Variants in EDIL3 observed in about 807,000 individuals in gnomAD.
The protein encoded by EDIL3 is EGF-like repeat and discoidin I-like domain-containing protein 3.
A neutral mutation model predicts 67.4 loss-of-function variants in EDIL3; 37 were observed. That is an observed-to-expected ratio of 0.55 (90% CI 0.42 to 0.72). The LOEUF (loss-of-function observed/expected upper bound fraction) is 0.72. Ranked by LOEUF, EDIL3 falls within the 30% of genes least tolerant of loss-of-function variation. The pLI is 0.00. For synonymous variants in EDIL3, 195 were observed against 196.3 expected, an observed-to-expected ratio of 0.99 and a Z score of 0.05; for missense variants, 527 against 586.3, an observed-to-expected ratio of 0.90 and a Z score of 1.04.
chr5:84,325,864 C>T (rs1484551174), intron 1 of EDIL3, among the ~76,000 whole-genome samples: 2 of 152,074 alleles, frequency 1.3e-5, no homozygotes, highest in African/African-American at 2.4e-5. Context: ...GAACATCTTG[C>T]TAAGTGAAAT....
intron 1 of EDIL3, among the ~76,000 whole-genome samples, chr5:84,261,805 T>C (rs1745226586): frequency 6.6e-6 from 1 of 152,194 alleles, no homozygotes; most frequent in African/African-American, 2.4e-5. Flanking sequence ...ACCACATTAA[T>C]GCTAATTTAA....
At chr5:84,018,081 C>A (rs1246436855) in intron 9 of EDIL3, among the ~76,000 whole-genome samples, 7 of 152,188 alleles carry the variant, frequency 4.6e-5, no homozygotes, top group Non-Finnish European at 1.0e-4. Context: ...AGCTAAATCC[C>A]TCCTCAGCTC....
intron 9 of EDIL3, among the ~76,000 whole-genome samples, chr5:84,031,341 T>C (rs567771963): frequency 5.3e-5 from 8 of 152,320 alleles, no homozygotes; most frequent in African/African-American, 1.9e-4. Flanking sequence ...TTTGACTGGA[T>C]GTTTTGGCAT....
chr5:83,953,641 T>C (rs1233967404), intron 10 of EDIL3, among the ~76,000 whole-genome samples: 1 of 151,858 alleles, frequency 6.6e-6, no homozygotes, highest in Non-Finnish European at 1.5e-5. Context: ...AATTAGTTCT[T>C]GTGTTCAGTT....
At chr5:84,112,429 G>A (rs1747580689) in intron 5 of EDIL3, among the ~76,000 whole-genome samples, 1 of 152,162 alleles carries the variant, frequency 6.6e-6, no homozygotes, top group Non-Finnish European at 1.5e-5. Flanking sequence ...GGTCCAGAGA[G>A]CAAACATAGG....
intron 1 of EDIL3, among the ~76,000 whole-genome samples, chr5:84,381,532 T>G (rs1041531408): frequency 8.5e-5 from 13 of 152,184 alleles, no homozygotes; most frequent in Non-Finnish European, 1.5e-5. Flanking sequence ...AGGTTAGTGT[T>G]GTTATCTGGA....
At chr5:84,207,236 T>G (rs1425802433) in intron 3 of EDIL3, among the ~76,000 whole-genome samples, 1 of 152,148 alleles carries the variant, frequency 6.6e-6, no homozygotes, top group Non-Finnish European at 1.5e-5. Flanking sequence ...ATCACAAGCA[T>G]TCTTATACAC....
intron 9 of EDIL3, among the ~76,000 whole-genome samples, chr5:83,997,278 C>T (rs1745252549): frequency 6.6e-6 from 1 of 151,988 alleles, no homozygotes; most frequent in Admixed American, 6.6e-5. Context: ...GATCTGATAG[C>T]AGGAAGAACA....
intron 1 of EDIL3, among the ~76,000 whole-genome samples, chr5:84,298,928 C>T (rs574759224): frequency 1.3e-5 from 2 of 152,302 alleles, no homozygotes; most frequent in South Asian, 4.1e-4. Context: ...TCTTCATCCT[C>T]TACTACATCC....
intron 5 of EDIL3, among the ~76,000 whole-genome samples, chr5:84,120,051 T>C (rs1220211899): frequency 6.6e-6 from 1 of 151,922 alleles, no homozygotes; most frequent in Non-Finnish European, 1.5e-5. Flanking sequence ...GTTTTTGAGA[T>C]TTTTAAAAAA....
chr5:84,283,116 C>T lies in EDIL3; in HGVS notation c.68-28904G>A, dbSNP rs556231397. 2.0e-5 allele frequency among the ~76,000 whole-genome samples: 3 copies of T among 151,638 alleles called. No homozygotes were observed. In the East Asian group the frequency reaches 5.8e-4, roughly 29 times the overall value. On this transcript the variant is annotated intron_variant, in intron 1 of 10. Coordinates refer to ENST00000296591, the MANE Select transcript of EDIL3 (RefSeq NM_005711.5). ...ATATTGGGCTGATGTGTTCAGTATT[C>T]ATATATAGGAGCAGATATAGAGCAT...
intron 3 of EDIL3, among the ~76,000 whole-genome samples, chr5:84,182,263 CA>C (rs1481142203): frequency 1.6e-5 from 2 of 126,288 alleles, no homozygotes; most frequent in African/African-American, 5.7e-5. Context: ...TCCACTTCTA[CA>C]AAAAATACAC....
chr5:84,207,700 T>C (rs1744014804), intron 3 of EDIL3, among the ~76,000 whole-genome samples: 1 of 151,700 alleles, frequency 6.6e-6, no homozygotes, highest in Non-Finnish European at 1.5e-5. Context: ...AAAACAGAGA[T>C]CTAGATCAAT....
intron 9 of EDIL3, among the ~76,000 whole-genome samples, chr5:83,973,760 C>T (rs578190920): frequency 6.6e-6 from 1 of 152,102 alleles, no homozygotes; most frequent in East Asian, 1.9e-4. Flanking sequence ...TGTAGAACTA[C>T]ATGCATCTTA....
At chr5:84,036,485 G>C (rs1451390646) in intron 9 of EDIL3, among the ~76,000 whole-genome samples, 1 of 152,168 alleles carries the variant, frequency 6.6e-6, no homozygotes, top group Admixed American at 6.5e-5. Flanking sequence ...CTTACAATAA[G>C]TTAGTGACAA....
At chr5:84,207,462 T>C (rs1021715106) in intron 3 of EDIL3, among the ~76,000 whole-genome samples, 7 of 152,114 alleles carry the variant, frequency 4.6e-5, no homozygotes, top group Admixed American at 1.3e-4. Flanking sequence ...GTGAAAATGG[T>C]CATACTGCCC....
In EDIL3 at chr5:84,110,048, T is replaced by C. The variant is rs370465960; in HGVS notation, c.470-3218A>G. Among the ~76,000 whole-genome samples, 246 of 152,334 alleles carry C rather than the reference T, an allele frequency of 1.6e-3. 9 individuals carry two copies. The South Asian group carries it at 0.048, about 30-fold the overall frequency. ...CTCAACTGAAGTAATCCTGGCTTTT[T>C]AGCCCCTTTCGAGTAGGAGCTAGGT... On this transcript the variant is annotated intron_variant, in intron 5 of 10. Coordinates refer to ENST00000296591, the MANE Select transcript of EDIL3 (RefSeq NM_005711.5).
chr5:83,987,218 A>G (rs1745071101), intron 9 of EDIL3, among the ~76,000 whole-genome samples: 1 of 152,042 alleles, frequency 6.6e-6, no homozygotes. Context: ...CTGGTTATAA[A>G]TTGCTGTGCA....
At chr5:84,314,918 G>T (rs1474680037) in intron 1 of EDIL3, among the ~76,000 whole-genome samples, 5 of 151,910 alleles carry the variant, frequency 3.3e-5, no homozygotes, top group African/African-American at 4.8e-5. Context: ...AATATTTTTT[G>T]AATTTTATTA....
Sources: allele counts gnomAD v4.1 joint callset (sites outside exome capture counted in the v4.1 genomes callset), GRCh38; gene constraint gnomAD v4.1.1; transcripts MANE v1.5; gene names NCBI Gene and HGNC (gene_info 2026-07-23, HGNC 2026-07-21).